Variants in WWOX observed in about 807,000 individuals in gnomAD.
WWOX encodes WW domain containing oxidoreductase.
WWOX carries 69 observed loss-of-function variants against 46.2 expected under a neutral mutation model. The ratio of observed to expected loss-of-function variants is 1.49; its 90% CI spans 1.23 to 1.82. The LOEUF (loss-of-function observed/expected upper bound fraction) is 1.82, where lower values mean the gene tolerates loss of function less well. WWOX is among the 40% of genes most tolerant of loss of function. The pLI, the probability that WWOX is intolerant of heterozygous loss-of-function variation, is 0.00. For missense variants in WWOX, 919 were observed against 542.6 expected, an observed-to-expected ratio of 1.69 and a Z score of -6.89; for synonymous variants, 359 against 202.6, an observed-to-expected ratio of 1.77 and a Z score of -6.56.
chr16:78,298,953 C>T (rs571660627), intron 5 of WWOX, among the ~76,000 whole-genome samples: 1 of 152,228 alleles, frequency 6.6e-6, no homozygotes, highest in South Asian at 2.1e-4. Context: ...TTTTCTTCTT[C>T]TTCCTTTTCC....
Position 78,782,666 on chromosome 16 carries a change from C to T in WWOX, c.1056+349914C>T, listed in dbSNP as rs919322457. ...TCTTTCCGGTCTTTCTTTTCTATAT[C>T]TTTTTTTTTTTTTTTTTGCATTTTT... On this transcript the variant is annotated intron_variant, in intron 8 of 8. Transcript: ENST00000566780. 4.2e-3 allele frequency among the ~76,000 whole-genome samples: 551 copies of T among 131,826 alleles called. 2 individuals are homozygous for T. Among genetic ancestry groups the T allele is most frequent in the Admixed American group, 8.1e-3 (105 of 12,908 alleles). 86.5% of individuals were successfully genotyped at this position (131,826 alleles called of 152,430 possible).
intron 8 of WWOX, among the ~76,000 whole-genome samples, chr16:78,528,435 A>T (rs76448505): frequency 6.6e-6 from 1 of 151,908 alleles, no homozygotes; most frequent in East Asian, 1.9e-4. Context: ...GCTCGTATTC[A>T]AGGTGCTAAT....
intron 5 of WWOX, among the ~76,000 whole-genome samples, chr16:78,251,640 G>T (rs1420987797): frequency 2.6e-5 from 4 of 152,178 alleles, no homozygotes; most frequent in Non-Finnish European, 5.9e-5. Flanking sequence ...CACCCGAGAA[G>T]ATTCAAAAAC....
At chr16:79,097,168 C>G (rs541343783) in intron 8 of WWOX, among the ~76,000 whole-genome samples, 1 of 152,130 alleles carries the variant, frequency 6.6e-6, no homozygotes, top group South Asian at 2.1e-4. Flanking sequence ...TGCTCTGGGT[C>G]AGTGGATTCA....
chr16:78,596,489 G>A (rs952535131), intron 8 of WWOX, among the ~76,000 whole-genome samples: 2 of 150,814 alleles, frequency 1.3e-5, no homozygotes, highest in Non-Finnish European at 3.0e-5. Context: ...TATCAGGGGT[G>A]CTAAGGTGAC....
In WWOX at chr16:78,321,277, A is replaced by AATAT. The variant is rs61678042; in HGVS notation, c.517-65573_517-65570dup. Among the ~76,000 whole-genome samples, 47 of 77,262 alleles carry AATAT rather than the reference A, an allele frequency of 6.1e-4. 1 individual carries two copies. The highest frequency in any genetic ancestry group is 1.3e-3 in the African/African-American group (30 of 23,068). 50.7% of individuals were successfully genotyped at this position (77,262 alleles called of 152,430 possible). ...CAACACGTAGGTTCTTAGTTTTTTA[A>AATAT]ATATATATATATACGTATATATATA... On this transcript the variant is annotated intron_variant, in intron 5 of 8. Transcript: ENST00000566780.
intron 5 of WWOX, among the ~76,000 whole-genome samples, chr16:78,313,292 A>T (rs2080285016): frequency 6.6e-6 from 1 of 152,192 alleles, no homozygotes; most frequent in Non-Finnish European, 1.5e-5. Context: ...TGTATTATAG[A>T]TCTGCTGGGA....
At chr16:79,161,391 G>A (rs987531100) in intron 8 of WWOX, among the ~76,000 whole-genome samples, 3 of 152,120 alleles carry the variant, frequency 2.0e-5, no homozygotes, top group Non-Finnish European at 2.9e-5. Context: ...AAAGTCCACA[G>A]CATAAGCTTG....
At chr16:78,109,871 T>A (rs762311314) in intron 3 of WWOX, 36 bp downstream of exon 3, 5 of 1,612,212 alleles carry the variant, frequency 3.1e-6, no homozygotes, top group Non-Finnish European at 3.4e-6. Context: ...TCAGCTGTTT[T>A]GCTTTTTAAT....
intron 6 of WWOX, among the ~76,000 whole-genome samples, chr16:78,396,690 G>A (rs997783853): frequency 2.6e-5 from 4 of 152,108 alleles, no homozygotes; most frequent in African/African-American, 7.2e-5. Context: ...GACATTCGTC[G>A]GCAAAGTTTT....
At chr16:78,836,071 A>G (rs566528623) in intron 8 of WWOX, among the ~76,000 whole-genome samples, 2 of 152,316 alleles carry the variant, frequency 1.3e-5, no homozygotes, top group South Asian at 4.1e-4. Context: ...TGTTCTATTG[A>G]TTTCGTTGAG....
chr16:79,032,615 T>C (rs1360110205), intron 8 of WWOX, among the ~76,000 whole-genome samples: 1 of 148,698 alleles, frequency 6.7e-6, no homozygotes, highest in Non-Finnish European at 1.5e-5. Context: ...ATGAATATAA[T>C]TATATAATTC....
Position 79,211,796 on chromosome 16 carries a change from A to C in WWOX, c.1245A>C (p.Ter415TyrextTer47). 6.2e-7 allele frequency: 1 copy of C among 1,614,086 alleles called. No homozygotes were observed. Among genetic ancestry groups the C allele is most frequent in the Non-Finnish European group, 8.5e-7 (1 of 1,179,968 alleles). The change falls in exon 9 of 9, where the codon TAA (stop) becomes TAC (tyrosine). Residue 415 changes from the stop codon to tyrosine, a stop_lost. Transcript: ENST00000566780. Reference protein sequence around the residue: ...IQERLGSQSG* With the variant: ...IQERLGSQSGY ...AACGGCTTGGCAGCCAGTCCGGCTAAGTGGAGCTCAGAGCGGATGGGCACA... is the reference window on the plus strand; with the variant it reads ...AACGGCTTGGCAGCCAGTCCGGCTACGTGGAGCTCAGAGCGGATGGGCACA...
chr16:78,906,626 G>T (rs941029292), intron 8 of WWOX, among the ~76,000 whole-genome samples: 3 of 152,230 alleles, frequency 2.0e-5, no homozygotes, highest in African/African-American at 7.2e-5. Flanking sequence ...AACCATGCCA[G>T]TCAGCTTCAG....
At chr16:78,972,874 C>T (rs903611100) in intron 8 of WWOX, among the ~76,000 whole-genome samples, 9 of 152,204 alleles carry the variant, frequency 5.9e-5, no homozygotes, top group East Asian at 1.9e-4. Flanking sequence ...CACGTCTCCC[C>T]GCCTTGTAAG....
At chr16:78,391,952 T>C (rs2082182232) in intron 6 of WWOX, among the ~76,000 whole-genome samples, 1 of 151,906 alleles carries the variant, frequency 6.6e-6, no homozygotes, top group Non-Finnish European at 1.5e-5. Context: ...TGAATCAGGA[T>C]TCAAATAAGG....
At chr16:78,936,008 A>G (rs2045729924) in intron 8 of WWOX, among the ~76,000 whole-genome samples, 1 of 152,134 alleles carries the variant, frequency 6.6e-6, no homozygotes, top group Non-Finnish European at 1.5e-5. Context: ...TGGATGCTGA[A>G]GTTCTGCCAA....
At chr16:78,199,235 C>T (rs561938913) in intron 5 of WWOX, among the ~76,000 whole-genome samples, 40 of 152,240 alleles carry the variant, frequency 2.6e-4, no homozygotes, top group Non-Finnish European at 4.6e-4. Flanking sequence ...ATCACTTGAA[C>T]CCAGGAGGCG....
At chr16:78,307,112 C>T (rs571461219) in intron 5 of WWOX, among the ~76,000 whole-genome samples, 81 of 152,274 alleles carry the variant, frequency 5.3e-4, no homozygotes, top group Non-Finnish European at 8.8e-4. Flanking sequence ...ATTTCTACAC[C>T]GTGGCTACTT....
Sources: allele counts gnomAD v4.1 joint callset (sites outside exome capture counted in the v4.1 genomes callset), GRCh38; gene constraint gnomAD v4.1.1; transcripts MANE v1.5; gene names NCBI Gene and HGNC (gene_info 2026-07-23, HGNC 2026-07-21).